MACROD2: variants seen among roughly 807,000 people sequenced by gnomAD.
MACROD2 encodes the protein mono-ADP ribosylhydrolase 2.
Under a neutral mutation model 70.4 loss-of-function variants are expected in MACROD2, and 36 were observed. That is an observed-to-expected ratio of 0.51 (90% CI 0.39 to 0.68). The LOEUF is 0.68. MACROD2 is among the 30% of genes least tolerant of loss of function. MACROD2 has a pLI of 0.00. For synonymous variants in MACROD2, 172 were observed against 178.8 expected, an observed-to-expected ratio of 0.96 and a Z score of 0.30; for missense variants, 496 against 538.4, an observed-to-expected ratio of 0.92 and a Z score of 0.78.
rs535042870 is a variant in MACROD2, at chr20:15,506,570, C to T, written c.645+6723C>T. ...GTTTGCCACTTTTATTTCAGCATCA[C>T]GTTATGGATCACCGAAAAAAAACCC... On this transcript the variant is annotated intron_variant, in intron 8 of 17. Transcript: ENST00000684519. Among the ~76,000 whole-genome samples the T allele has an allele frequency of 1.4e-3, 207 of 152,182 alleles. 1 individual carries two copies. Among genetic ancestry groups the T allele is most frequent in the Middle Eastern group, 3.4e-3 (1 of 294 alleles).
intron 5 of MACROD2, among the ~76,000 whole-genome samples, chr20:14,871,508 G>A (rs2073487944): frequency 6.6e-6 from 1 of 152,096 alleles, no homozygotes; most frequent in Admixed American, 6.6e-5. Context: ...CCTTACAGGA[G>A]CTCCTGAAGG....
intron 8 of MACROD2, among the ~76,000 whole-genome samples, chr20:15,667,977 G>T (rs558170071): frequency 1.3e-5 from 2 of 152,150 alleles, no homozygotes; most frequent in East Asian, 3.8e-4. Flanking sequence ...AGTGAGGCAG[G>T]CACGGTGGCT....
intron 8 of MACROD2, among the ~76,000 whole-genome samples, chr20:15,835,000 C>A (rs2064097357): frequency 6.6e-6 from 1 of 152,172 alleles, no homozygotes; most frequent in Admixed American, 6.5e-5. Flanking sequence ...TTGTGTACCT[C>A]TCCCTCTGGA....
At chr20:14,465,486 C>A (rs926383120) in intron 3 of MACROD2, among the ~76,000 whole-genome samples, 1 of 152,004 alleles carries the variant, frequency 6.6e-6, no homozygotes, top group African/African-American at 2.4e-5. Context: ...TGACTCTATC[C>A]AATTTGCCAG....
intron 5 of MACROD2, among the ~76,000 whole-genome samples, chr20:14,917,804 G>T (rs1247226561): frequency 6.6e-6 from 1 of 152,074 alleles, no homozygotes; most frequent in Non-Finnish European, 1.5e-5. Context: ...CCTTTAGTTG[G>T]TGATTTAATG....
At chr20:14,394,418 A>G (rs1402100667) in intron 3 of MACROD2, among the ~76,000 whole-genome samples, 1 of 152,220 alleles carries the variant, frequency 6.6e-6, no homozygotes, top group Non-Finnish European at 1.5e-5. Context: ...GCTTGTTGCT[A>G]GCATGTAGAA....
At chr20:15,211,047 G>A (rs544871428) in intron 5 of MACROD2, among the ~76,000 whole-genome samples, 1 of 152,238 alleles carries the variant, frequency 6.6e-6, no homozygotes, top group Admixed American at 6.5e-5. Context: ...TCTAATTCCA[G>A]AATATTTTTG....
intron 8 of MACROD2, among the ~76,000 whole-genome samples, chr20:15,793,093 A>G (rs1345489034): frequency 1.3e-5 from 2 of 150,132 alleles, no homozygotes; most frequent in Non-Finnish European, 3.0e-5. Flanking sequence ...CACTGTGTAT[A>G]ATGTGGTTCA....
chr20:15,728,228 A>C (rs1442346280), intron 8 of MACROD2, among the ~76,000 whole-genome samples: 2 of 70,396 alleles, frequency 2.8e-5, no homozygotes, highest in Non-Finnish European at 5.0e-5. Context: ...TGATGAACCA[A>C]CCTTGCATCC....
At chr20:14,524,182 T>G (rs867235486) in intron 4 of MACROD2, among the ~76,000 whole-genome samples, 8 of 152,324 alleles carry the variant, frequency 5.3e-5, no homozygotes, top group Middle Eastern at 6.8e-3. Flanking sequence ...CTGTAGTCAC[T>G]CTGGTTATGG....
chr20:14,555,085 T>C (rs892793423), intron 4 of MACROD2, among the ~76,000 whole-genome samples: 5 of 151,868 alleles, frequency 3.3e-5, no homozygotes, highest in African/African-American at 1.2e-4. Flanking sequence ...AATGACTTAA[T>C]TGTATATTTT....
At chr20:15,385,552 C>T (rs150621920) in intron 6 of MACROD2, among the ~76,000 whole-genome samples, 6 of 152,246 alleles carry the variant, frequency 3.9e-5, no homozygotes, top group East Asian at 1.9e-4. Context: ...CCTACGTGTT[C>T]TTGACGTTAG....
chr20:15,758,013 C>T (rs982020356), intron 8 of MACROD2, among the ~76,000 whole-genome samples: 2 of 152,112 alleles, frequency 1.3e-5, no homozygotes, highest in South Asian at 4.1e-4. Context: ...CAAAATATTG[C>T]CTTTGGCTTA....
intron 5 of MACROD2, among the ~76,000 whole-genome samples, chr20:14,858,371 G>T (rs539654741): frequency 6.6e-6 from 1 of 151,994 alleles, no homozygotes; most frequent in Non-Finnish European, 1.5e-5. Context: ...TCGGGTTATT[G>T]TTTCTCCGAA....
At chr20:14,163,067 A>T (rs758629146) in intron 3 of MACROD2, among the ~76,000 whole-genome samples, 1 of 151,824 alleles carries the variant, frequency 6.6e-6, no homozygotes, top group African/African-American at 2.4e-5. Flanking sequence ...ATATGTTTTC[A>T]TGAGGGTAGA....
At chr20:14,044,088 T>TAA (rs1256839015) in intron 2 of MACROD2, among the ~76,000 whole-genome samples, 2 of 152,324 alleles carry the variant, frequency 1.3e-5, no homozygotes, top group South Asian at 4.1e-4. Flanking sequence ...CGGTGAGTGT[T>TAA]ACAGTTCTTA....
intron 3 of MACROD2, among the ~76,000 whole-genome samples, chr20:14,362,730 A>C (rs204625): frequency 0.7 from 105,769 of 151,872 alleles, 37,420 homozygotes; most frequent in Non-Finnish European, 0.75. Flanking sequence ...ATTGAAGCTT[A>C]TTAAAGCAAT....
chr20:15,471,085 C>G lies in MACROD2; in HGVS notation c.572-28689C>G, dbSNP rs993715417. Among the ~76,000 whole-genome samples the G allele has an allele frequency of 3.3e-5, 5 of 152,228 alleles. No individual in the cohort carries two copies. The East Asian group carries it at 9.7e-4, about 29-fold the overall frequency. ...CCCTTTCTCCTCTTTGTTTTTTGTC[C>G]TTTCCCTTCTTTATTAGTCACTTAG... is the stretch of plus-strand genomic sequence containing the variant. On this transcript the variant is annotated intron_variant, in intron 7 of 17. Coordinates refer to ENST00000684519, the MANE Select transcript of MACROD2 (RefSeq NM_001351661.2).
chr20:14,827,027 C>T (rs1166152550), intron 5 of MACROD2, among the ~76,000 whole-genome samples: 1 of 152,058 alleles, frequency 6.6e-6, no homozygotes, highest in African/African-American at 2.4e-5. Context: ...CAATTCAGCA[C>T]GCAGAGTGCA....
Sources: allele counts gnomAD v4.1 joint callset (sites outside exome capture counted in the v4.1 genomes callset), GRCh38; gene constraint gnomAD v4.1.1; transcripts MANE v1.5; gene names NCBI Gene and HGNC (gene_info 2026-07-23, HGNC 2026-07-21).